Variants in ITFG1 observed in about 807,000 individuals in gnomAD.
ITFG1 encodes the protein integrin alpha FG-GAP repeat containing 1.
ITFG1 carries 34 observed loss-of-function variants against 81.8 expected under a neutral mutation model. The observed-to-expected ratio is 0.42, with a 90% confidence interval of 0.32 to 0.55. ITFG1 has a LOEUF of 0.55. Ranked by LOEUF, ITFG1 falls within the 20% of genes least tolerant of loss-of-function variation. ITFG1 has a pLI of 0.17. For missense variants in ITFG1, 672 were observed against 755.4 expected, an observed-to-expected ratio of 0.89 and a Z score of 1.29; for synonymous variants, 285 against 270.6, an observed-to-expected ratio of 1.05 and a Z score of -0.52.
chr16:47,256,559 T>C (rs1356333869), intron 12 of ITFG1, among the ~76,000 whole-genome samples: 2 of 152,290 alleles, frequency 1.3e-5, no homozygotes, highest in Admixed American at 6.5e-5. Flanking sequence ...AAACAGTATA[T>C]TTAAATTTTT....
intron 1 of ITFG1, among the ~76,000 whole-genome samples, chr16:47,460,144 A>C (rs1329312526): frequency 6.6e-6 from 1 of 152,280 alleles, no homozygotes; most frequent in Non-Finnish European, 1.5e-5. Context: ...CACTAAGGTG[A>C]TGACCAAGAT....
chr16:47,341,973 T>C (rs1967790253), intron 8 of ITFG1, among the ~76,000 whole-genome samples: 1 of 152,194 alleles, frequency 6.6e-6, no homozygotes, highest in African/African-American at 2.4e-5. Context: ...GCTTCTCTGT[T>C]GAATACCACC....
intron 5 of ITFG1, among the ~76,000 whole-genome samples, chr16:47,441,728 G>A (rs1969253788): frequency 6.6e-6 from 1 of 152,062 alleles, no homozygotes; most frequent in Admixed American, 6.5e-5. Flanking sequence ...ATATCATACT[G>A]AATGGACAAA....
intron 6 of ITFG1, among the ~76,000 whole-genome samples, chr16:47,424,481 G>T (rs1968993874): frequency 6.6e-6 from 1 of 152,184 alleles, no homozygotes; most frequent in African/African-American, 2.4e-5. Context: ...TTGCTGGTGA[G>T]GAGCTGCAAT....
Position 47,460,831 on chromosome 16 carries a change from C to G in ITFG1, c.208+7G>C. 1 of 1,612,868 alleles carries G rather than the reference C, an allele frequency of 6.2e-7. No homozygotes were observed. Among genetic ancestry groups the G allele is most frequent in the Non-Finnish European group, 8.5e-7 (1 of 1,179,690 alleles). ...GCGAACAGAGGGAGGGCCCGGCAAG[C>G]ACTGACTTTCCCGCAGCACGAAGAG... On this transcript the variant is annotated splice_region_variant and intron_variant, in intron 1 of 17. Transcript: ENST00000320640.
At chr16:47,282,412 G>A (rs556231252) in intron 10 of ITFG1, among the ~76,000 whole-genome samples, 1 of 151,936 alleles carries the variant, frequency 6.6e-6, no homozygotes, top group African/African-American at 2.4e-5. Flanking sequence ...CAAAAGACAC[G>A]ATTTCATTCT....
chr16:47,199,826 A>G (rs1041969474), intron 14 of ITFG1, among the ~76,000 whole-genome samples: 6 of 152,166 alleles, frequency 3.9e-5, no homozygotes, highest in Admixed American at 3.9e-4. Flanking sequence ...TTGTTTTCCT[A>G]CAACTAGGTG....
At chr16:47,347,215 C>T (rs368961124) in intron 8 of ITFG1, among the ~76,000 whole-genome samples, 38 of 152,220 alleles carry the variant, frequency 2.5e-4, no homozygotes, top group East Asian at 1.3e-3. Context: ...GTGGGTGCAG[C>T]GCACTGAGCG....
At chr16:47,162,038 TTG>T (rs1215179199) in intron 15 of ITFG1, among the ~76,000 whole-genome samples, 1 of 152,214 alleles carries the variant, frequency 6.6e-6, no homozygotes, top group Admixed American at 6.5e-5. Context: ...AAGATTATAT[TTG>T]TGTTTTATGA....
intron 6 of ITFG1, among the ~76,000 whole-genome samples, chr16:47,395,169 CTA>C (rs1395324774): frequency 6.6e-6 from 1 of 152,018 alleles, no homozygotes; most frequent in Non-Finnish European, 1.5e-5. Context: ...AGTAAACTAA[CTA>C]TATTGGATAG....
chr16:47,380,757 G>A lies in ITFG1; in HGVS notation c.656-4817C>T, dbSNP rs186350990. 7.9e-4 allele frequency among the ~76,000 whole-genome samples: 121 copies of A among 152,218 alleles called. 2 individuals carry two copies. In the East Asian group the frequency reaches 0.021, roughly 26 times the overall value. ...CCATATATATTTTGGATATGGGTTT[G>A]TCTTTCCTGTTTTCAAAACTAAGTT... On this transcript the variant is annotated intron_variant, in intron 6 of 17. Coordinates refer to ENST00000320640, the MANE Select transcript of ITFG1 (RefSeq NM_030790.5).
chr16:47,188,216 G>T (rs1000962536), intron 14 of ITFG1, among the ~76,000 whole-genome samples: 4 of 151,684 alleles, frequency 2.6e-5, no homozygotes, highest in Admixed American at 6.6e-5. Flanking sequence ...GATTCCTCAG[G>T]GATCTAGAAC....
intron 6 of ITFG1, among the ~76,000 whole-genome samples, chr16:47,400,692 T>G (rs551941765): frequency 1.7e-4 from 26 of 151,920 alleles, no homozygotes; most frequent in African/African-American, 6.0e-4. Flanking sequence ...TAAAAGTCAG[T>G]TCAGCGAAAG....
intron 8 of ITFG1, among the ~76,000 whole-genome samples, chr16:47,331,629 T>C (rs1967638762): frequency 6.6e-6 from 1 of 152,204 alleles, no homozygotes; most frequent in Admixed American, 6.5e-5. Context: ...GATTTACCTT[T>C]CAGATCCTTT....
chr16:47,386,388 C>T lies in ITFG1; in HGVS notation c.656-10448G>A, dbSNP rs62061080. Among the ~76,000 whole-genome samples the T allele has an allele frequency of 5.4e-3, 824 of 152,304 alleles. 6 individuals carry two copies. Among genetic ancestry groups the T allele is most frequent in the Admixed American group, 8.7e-3 (133 of 15,300 alleles). Reference sequence around the variant, plus strand: ...TGCAGCCAAAAACACAGGGCTCCCCCTCCACCCAGCTCCTAGTCAAGGACT... The same window carrying T: ...TGCAGCCAAAAACACAGGGCTCCCCTTCCACCCAGCTCCTAGTCAAGGACT... On this transcript the variant is annotated intron_variant, in intron 6 of 17. Transcript: ENST00000320640.
chr16:47,283,857 T>C (rs1966860174), intron 10 of ITFG1, among the ~76,000 whole-genome samples: 1 of 152,216 alleles, frequency 6.6e-6, no homozygotes. Flanking sequence ...CATTTGAAGC[T>C]CACAAATGGA....
intron 6 of ITFG1, among the ~76,000 whole-genome samples, chr16:47,405,834 G>T (rs572375151): frequency 1.2e-4 from 18 of 151,972 alleles, no homozygotes; most frequent in African/African-American, 3.4e-4. Context: ...CTGACTTTTT[G>T]GGGGGATGAA....
intron 10 of ITFG1, among the ~76,000 whole-genome samples, chr16:47,284,121 C>T (rs993449447): frequency 1.3e-5 from 2 of 152,096 alleles, no homozygotes; most frequent in Non-Finnish European, 2.9e-5. Flanking sequence ...GTGAGGTTTT[C>T]TTTTTGGGGT....
chr16:47,337,549 G>A (rs1430422521), intron 8 of ITFG1, among the ~76,000 whole-genome samples: 1 of 152,162 alleles, frequency 6.6e-6, no homozygotes, highest in Non-Finnish European at 1.5e-5. Context: ...CAGCCTGGGT[G>A]ACAGAGTGAG....
Sources: allele counts gnomAD v4.1 joint callset (sites outside exome capture counted in the v4.1 genomes callset), GRCh38; gene constraint gnomAD v4.1.1; transcripts MANE v1.5; gene names NCBI Gene and HGNC (gene_info 2026-07-23, HGNC 2026-07-21).